Variants in DOCK5 observed in about 807,000 individuals in gnomAD.
The protein encoded by DOCK5 is dedicator of cytokinesis protein 5.
Under a neutral mutation model 251.8 loss-of-function variants are expected in DOCK5, and 142 were observed. The ratio of observed to expected loss-of-function variants is 0.56; its 90% CI spans 0.49 to 0.65. The LOEUF is 0.65. Among genes scored for constraint, DOCK5 ranks in the 30% least tolerant of loss-of-function variants. The probability of loss-of-function intolerance (pLI) is 0.00; values close to 1 mark genes in which losing one functional copy is unlikely to be tolerated. For synonymous variants in DOCK5, 842 were observed against 835.5 expected (o/e 1.01, Z -0.13); for missense variants, 2,111 against 2,312.3 (o/e 0.91, Z 1.79).
chr8:25,251,437 T>A (rs1265239280), intron 2 of DOCK5, among the ~76,000 whole-genome samples: 3 of 151,832 alleles, frequency 2.0e-5, no homozygotes, highest in Admixed American at 2.0e-4. Flanking sequence ...CGTACAGGAG[T>A]TCCCCAGAAT....
intron 1 of DOCK5, among the ~76,000 whole-genome samples, chr8:25,186,756 C>A (rs997258866): frequency 2.0e-5 from 3 of 152,098 alleles, no homozygotes; most frequent in Non-Finnish European, 4.4e-5. Context: ...ATTAAAAGCT[C>A]TTTTCAAAAC....
chr8:25,391,812 A>T, intron 42 of DOCK5, 84 bp from the exon 43 acceptor site: 1 of 1,203,710 alleles, frequency 8.3e-7, no homozygotes, highest in Middle Eastern at 1.9e-4. Flanking sequence ...GACCAGGCAG[A>T]TGTGTTATAG....
chr8:25,332,232 T>C lies in DOCK5; in HGVS notation c.1904-19T>C. ...GGTTGTTCTCACCTGTATCTAATGT[T>C]TGTGGTTGTTCTTCCTAGTTGACCT... On this transcript the variant is annotated intron_variant, in intron 18 of 51. Coordinates refer to ENST00000276440, the MANE Select transcript of DOCK5 (RefSeq NM_024940.8). 6.3e-7 allele frequency: 1 copy of C among 1,596,862 alleles called. No homozygotes were observed. Among genetic ancestry groups the C allele is most frequent in the East Asian group, 2.2e-5 (1 of 44,684 alleles).
chr8:25,359,803 A>G (rs1800644576), intron 28 of DOCK5, among the ~76,000 whole-genome samples: 1 of 152,232 alleles, frequency 6.6e-6, no homozygotes, highest in Non-Finnish European at 1.5e-5. Flanking sequence ...CTCCTGCTTT[A>G]CAATATTTGT....
intron 37 of DOCK5, chr8:25,375,712 C>T (rs953836539): frequency 1.3e-5 from 13 of 984,366 alleles, no homozygotes; most frequent in Middle Eastern, 5.2e-4. Context: ...GGGCATTGTC[C>T]GAACATATGA....
At position 25,364,223 on chromosome 8, in the gene DOCK5, A is replaced by G. The variant is rs1800737838; in HGVS notation, c.3045-403A>G. Among the ~76,000 whole-genome samples, 7 of 152,344 alleles carry G rather than the reference A, an allele frequency of 4.6e-5. 1 individual carries two copies. In the South Asian group the frequency reaches 1.4e-3, roughly 32 times the overall value. On this transcript the variant is annotated intron_variant, in intron 29 of 51. Coordinates refer to ENST00000276440, the MANE Select transcript of DOCK5 (RefSeq NM_024940.8). ...TCTACATGATACCCAATTCTGAGTA[A>G]TTCTACTCTAACACCTGATTAGAAG...
At chr8:25,348,990 A>T (rs1365931885) in intron 26 of DOCK5, among the ~76,000 whole-genome samples, 1 of 152,194 alleles carries the variant, frequency 6.6e-6, no homozygotes, top group Non-Finnish European at 1.5e-5. Context: ...AGGAAATGTT[A>T]TGTAAATGGA....
At chr8:25,227,934 G>C (rs959563279) in intron 1 of DOCK5, among the ~76,000 whole-genome samples, 1 of 152,100 alleles carries the variant, frequency 6.6e-6, no homozygotes, top group Non-Finnish European at 1.5e-5. Flanking sequence ...ACCCAGGCTG[G>C]AGTGCAGTGG....
At chr8:25,356,922 T>C (rs1460909550) in intron 27 of DOCK5, among the ~76,000 whole-genome samples, 1 of 62,088 alleles carries the variant, frequency 1.6e-5, no homozygotes, top group Non-Finnish European at 3.3e-5. Context: ...TATATATATA[T>C]ATATATATAT....
At chr8:25,371,530 G>A (rs893155239) in intron 34 of DOCK5, among the ~76,000 whole-genome samples, 5 of 152,158 alleles carry the variant, frequency 3.3e-5, no homozygotes, top group Non-Finnish European at 7.4e-5. Flanking sequence ...AGGACTAGAA[G>A]CCTTTCTTGT....
chr8:25,207,494 T>G (rs1802029008), intron 1 of DOCK5, among the ~76,000 whole-genome samples: 3 of 152,202 alleles, frequency 2.0e-5, no homozygotes. Flanking sequence ...GACTTTAAAT[T>G]GAAACCAGTG....
In DOCK5 at chr8:25,314,709, C is replaced by CCCAT. The variant is rs59477032; in HGVS notation, c.1319-2298_1319-2297insCCAT. Among the ~76,000 whole-genome samples the CCCAT allele has an allele frequency of 3.2e-3, 425 of 132,880 alleles. 2 individuals carry two copies. The highest frequency in any genetic ancestry group is 4.1e-3 in the Middle Eastern group (1 of 244). 87.2% of individuals were successfully genotyped at this position (132,880 alleles called of 152,430 possible). A position where few individuals can be genotyped will look rare whatever the true frequency, so the allele number is the denominator to read the frequency against. ...ATCCATCCATCCATCCATCCATCCA[C>CCCAT]GTACCCAACCTCTATCCACCCATCC... On this transcript the variant is annotated intron_variant, in intron 13 of 51. Coordinates refer to ENST00000276440, the MANE Select transcript of DOCK5 (RefSeq NM_024940.8).
intron 16 of DOCK5, among the ~76,000 whole-genome samples, chr8:25,322,595 G>A (rs2203020): frequency 0.78 from 118,104 of 152,240 alleles, 45,920 homozygotes; most frequent in Middle Eastern, 0.83. Flanking sequence ...ATTAACAAAG[G>A]TCAAGTTTGT....
At position 25,184,728 on chromosome 8, in the gene DOCK5, C is replaced by G; in HGVS notation, c.-181C>G. The G allele has an allele frequency of 3.2e-6, 1 of 315,986 alleles. No homozygotes were observed. Among genetic ancestry groups the G allele is most frequent in the Non-Finnish European group, 5.1e-6 (1 of 196,654 alleles). The allele number at this position is 315,986 out of a possible 1,614,324, so 19.6% of individuals were successfully genotyped here. ...GCCCGGCCCAGCAGGTGACCGCGGG[C>G]GGCGCGGGCACGGGCACGGGCGCGG... is the stretch of plus-strand genomic sequence containing the variant. On this transcript the variant is annotated 5_prime_UTR_variant, in exon 1 of 52. Transcript: ENST00000276440.
At chr8:25,224,838 C>T (rs535233377) in intron 1 of DOCK5, among the ~76,000 whole-genome samples, 1 of 152,340 alleles carries the variant, frequency 6.6e-6, no homozygotes, top group Non-Finnish European at 1.5e-5. Context: ...GCCACCCTGG[C>T]ACCCTTCTCA....
intron 17 of DOCK5, among the ~76,000 whole-genome samples, chr8:25,324,804 C>T (rs1489958739): frequency 6.7e-6 from 1 of 148,504 alleles, no homozygotes; most frequent in Admixed American, 6.7e-5. Flanking sequence ...CTCCCCGCCC[C>T]CGCCACAACA....
chr8:25,351,676 A>G (rs1800470988), intron 26 of DOCK5, 55 bp from the exon 27 acceptor site: 7 of 1,434,952 alleles, frequency 4.9e-6, no homozygotes, highest in Non-Finnish European at 6.8e-6. Context: ...GAGGTTCCTT[A>G]AAGAAAGTGA....
rs1563193745 is a variant in DOCK5, at chr8:25,301,096, C to T, written c.846+439C>T. 5.3e-5 allele frequency among the ~76,000 whole-genome samples: 8 copies of T among 151,016 alleles called. No homozygotes were observed. In the South Asian group the frequency reaches 8.5e-4, roughly 16 times the overall value. On this transcript the variant is annotated intron_variant, in intron 9 of 51. Transcript: ENST00000276440. ...TACAAGAGGAGTGATGCTGGCAATTCGGATATGCCAAAGAGAAGCGTGCTC... is the reference window on the plus strand; with the variant it reads ...TACAAGAGGAGTGATGCTGGCAATTTGGATATGCCAAAGAGAAGCGTGCTC...
At position 25,201,781 on chromosome 8, in the gene DOCK5, G is replaced by A. The variant is rs561031543; in HGVS notation, c.43+16830G>A. On this transcript the variant is annotated intron_variant, in intron 1 of 51. Coordinates refer to ENST00000276440, the MANE Select transcript of DOCK5 (RefSeq NM_024940.8). ...CACTTCCTGGTACAGTGGGCAGTAC[G>A]TGATAGCTATCTGAAAGTTTGCTCA... Among the ~76,000 whole-genome samples the A allele has an allele frequency of 3.9e-5, 6 of 152,264 alleles. No homozygotes were observed. In the South Asian group the frequency reaches 1.2e-3, roughly 32 times the overall value.
Sources: gnomAD v4.1 joint callset for allele counts (sites outside exome capture counted in the v4.1 genomes callset) on GRCh38, gnomAD v4.1.1 for gene constraint, MANE v1.5 for transcripts, NCBI Gene and HGNC (gene_info 2026-07-23, HGNC 2026-07-21) for gene names.